SPTLC3: variants seen among roughly 807,000 people sequenced by gnomAD.
SPTLC3 encodes the protein serine palmitoyltransferase 3.
In SPTLC3, 36 loss-of-function variants were observed where a neutral mutation model predicts 59.3. The ratio of observed to expected loss-of-function variants is 0.61; its 90% confidence interval spans 0.47 to 0.80. The LOEUF (loss-of-function observed/expected upper bound fraction) is 0.80. Among genes scored for constraint, SPTLC3 ranks in the 30% least tolerant of loss-of-function variants. The pLI, the probability that SPTLC3 is intolerant of heterozygous loss-of-function variation, is 0.00. For missense variants in SPTLC3, 625 were observed against 685.1 expected (o/e 0.91, Z 0.98); for synonymous variants, 257 against 240.8 (o/e 1.07, Z -0.62).
At chr20:13,103,681 T>C (rs978162741) in intron 6 of SPTLC3, among the ~76,000 whole-genome samples, 1 of 152,128 alleles carries the variant, frequency 6.6e-6, no homozygotes, top group Non-Finnish European at 1.5e-5. Flanking sequence ...TCAGCCCCAA[T>C]CTCGCATTCC....
chr20:13,126,776 T>C, intron 9 of SPTLC3, 59 bp downstream of exon 9: 1 of 1,591,990 alleles, frequency 6.3e-7, no homozygotes, highest in Non-Finnish European at 8.6e-7. Context: ...TCTGCCTCAT[T>C]AATCTCCCCG....
intron 10 of SPTLC3, among the ~76,000 whole-genome samples, chr20:13,156,935 C>T (rs2038782095): frequency 6.6e-6 from 1 of 152,184 alleles, no homozygotes; most frequent in African/African-American, 2.4e-5. Flanking sequence ...TCCTGCTACA[C>T]TCTGCTTCCA....
intron 6 of SPTLC3, among the ~76,000 whole-genome samples, chr20:13,097,477 CA>C (rs964517570): frequency 5.9e-5 from 9 of 151,896 alleles, no homozygotes; most frequent in African/African-American, 2.2e-4. Context: ...CTTTGAACAG[CA>C]CTGGATGAAA....
chr20:13,159,651 G>A (rs1296256582), intron 10 of SPTLC3, among the ~76,000 whole-genome samples: 2 of 152,024 alleles, frequency 1.3e-5, no homozygotes, highest in Non-Finnish European at 2.9e-5. Flanking sequence ...TTATACCTAG[G>A]GACCCTGCAG....
chr20:13,030,960 C>T (rs1986413949), intron 1 of SPTLC3, among the ~76,000 whole-genome samples: 1 of 152,124 alleles, frequency 6.6e-6, no homozygotes, highest in Non-Finnish European at 1.5e-5. Flanking sequence ...AAATATTGTT[C>T]ATCCGTATTT....
chr20:13,027,344 T>A (rs756916431), intron 1 of SPTLC3, among the ~76,000 whole-genome samples: 2 of 152,140 alleles, frequency 1.3e-5, no homozygotes. Flanking sequence ...ATCCAGGAAG[T>A]GATCCAGTGC....
chr20:13,148,915 A>G (rs1431917656), intron 9 of SPTLC3, among the ~76,000 whole-genome samples: 1 of 152,256 alleles, frequency 6.6e-6, no homozygotes, highest in Non-Finnish European at 1.5e-5. Context: ...CAGATGCAGT[A>G]GTAAACACTT....
intron 6 of SPTLC3, among the ~76,000 whole-genome samples, chr20:13,108,536 A>G: frequency 6.6e-6 from 1 of 152,186 alleles, no homozygotes; most frequent in East Asian, 1.9e-4. Context: ...CTTTGTCTGT[A>G]GTGGTCAAAA....
intron 7 of SPTLC3, among the ~76,000 whole-genome samples, chr20:13,112,817 T>C (rs150735306): frequency 3.3e-5 from 5 of 152,144 alleles, no homozygotes; most frequent in Admixed American, 1.3e-4. Flanking sequence ...TAGCCTAGAG[T>C]TGAGTTCTAC....
intron 8 of SPTLC3, among the ~76,000 whole-genome samples, chr20:13,124,283 A>G (rs1182198271): frequency 6.6e-6 from 1 of 151,894 alleles, no homozygotes; most frequent in Non-Finnish European, 1.5e-5. Flanking sequence ...GGTTATTGGT[A>G]TATACTTGCT....
chr20:13,036,463 A>G (rs1181207661), intron 1 of SPTLC3, among the ~76,000 whole-genome samples: 1 of 152,134 alleles, frequency 6.6e-6, no homozygotes, highest in Non-Finnish European at 1.5e-5. Flanking sequence ...CCTCTCCCTT[A>G]TGATTTTCTT....
chr20:13,122,312 T>C (rs6074561), intron 8 of SPTLC3, among the ~76,000 whole-genome samples: 45,493 of 152,144 alleles, frequency 0.3, 6,988 homozygotes, highest in Admixed American at 0.34. Flanking sequence ...CAATCTGTGA[T>C]TTAGTACCAT....
intron 2 of SPTLC3, among the ~76,000 whole-genome samples, chr20:13,070,197 C>G (rs1184310606): frequency 2.6e-5 from 4 of 152,150 alleles, no homozygotes; most frequent in African/African-American, 9.7e-5. Context: ...ACAAAACCTA[C>G]ATCACAGCTA....
At chr20:13,139,613 C>A (rs1397856519) in intron 9 of SPTLC3, among the ~76,000 whole-genome samples, 8 of 152,156 alleles carry the variant, frequency 5.3e-5, no homozygotes. Flanking sequence ...TGCCCACATT[C>A]CATTGTTTGT....
intron 2 of SPTLC3, among the ~76,000 whole-genome samples, chr20:13,055,695 G>A (rs6041819): frequency 0.87 from 132,387 of 151,828 alleles, 57,776 homozygotes; most frequent in East Asian, 0.91. Context: ...TACACATGAA[G>A]AGTTGTTTCC....
At chr20:13,156,485 G>A (rs1316763557) in intron 10 of SPTLC3, among the ~76,000 whole-genome samples, 1 of 152,164 alleles carries the variant, frequency 6.6e-6, no homozygotes, top group Non-Finnish European at 1.5e-5. Flanking sequence ...CCTCTTCCTA[G>A]CTGGGGATTC....
At chr20:13,078,965 A>C (rs1988745432) in intron 4 of SPTLC3, among the ~76,000 whole-genome samples, 2 of 152,188 alleles carry the variant, frequency 1.3e-5, no homozygotes, top group African/African-American at 4.8e-5. Context: ...CAGTAAAGTT[A>C]ATAATCAACT....
intron 5 of SPTLC3, 33 bp from the exon 6 acceptor site, chr20:13,093,451 G>T: frequency 6.3e-7 from 1 of 1,593,258 alleles, no homozygotes; most frequent in Non-Finnish European, 8.6e-7. Flanking sequence ...TTTATTTATT[G>T]GCTTGTGTTT....
intron 9 of SPTLC3, among the ~76,000 whole-genome samples, chr20:13,137,399 T>C (rs997803138): frequency 1.3e-5 from 2 of 152,204 alleles, no homozygotes; most frequent in Admixed American, 6.5e-5. Flanking sequence ...TTTTGGCCTC[T>C]GGGAGAAGGC....
Sources: gnomAD v4.1 joint callset for allele counts (sites outside exome capture counted in the v4.1 genomes callset) on GRCh38, gnomAD v4.1.1 for gene constraint, MANE v1.5 for transcripts, NCBI Gene and HGNC (gene_info 2026-07-23, HGNC 2026-07-21) for gene names.